The following RIPK1 variants were observed in gnomAD, a reference collection of about 807,000 sequenced individuals.
RIPK1 encodes receptor interacting serine/threonine kinase 1.
A neutral mutation model predicts 62.4 loss-of-function variants in RIPK1; 27 were observed. That is an observed-to-expected ratio of 0.43 (90% confidence interval 0.32 to 0.60). The LOEUF (loss-of-function observed/expected upper bound fraction) is 0.60, where lower values mean the gene tolerates loss of function less well. Among genes scored for constraint, RIPK1 ranks in the 20% least tolerant of loss-of-function variants. The pLI is 0.07. For synonymous variants in RIPK1, 287 were observed against 303.2 expected (o/e 0.95, Z 0.55); for missense variants, 735 against 831.0 (o/e 0.88, Z 1.42).
rs1052143119 is a variant in RIPK1 at position 3,068,580 on chromosome 6, G to A, written c.-142G>A. 16 of 985,290 alleles carry A rather than the reference G, an allele frequency of 1.6e-5. No individual in the cohort carries two copies. In the African/African-American group the frequency reaches 2.3e-4, roughly 14 times the overall value. 61.0% of individuals were successfully genotyped at this position (985,290 alleles called of 1,614,324 possible). On this transcript the variant is annotated 5_prime_UTR_variant, in exon 1 of 11. Coordinates refer to ENST00000259808, the MANE Select transcript of RIPK1 (RefSeq NM_001354930.2). Reference sequence around the variant, plus strand: ...CGACTCCAGGGGACCCACAGCTGGGGCGCCAGAGCGCGGCCATCCGGGCGG... The same window carrying A: ...CGACTCCAGGGGACCCACAGCTGGGACGCCAGAGCGCGGCCATCCGGGCGG...
At chr6:3,104,401 A>G (rs1443367914) in intron 8 of RIPK1, 86 bp downstream of exon 8, 2 of 707,424 alleles carry the variant, frequency 2.8e-6, no homozygotes, top group Non-Finnish European at 5.0e-6. Context: ...TCAGGACCAT[A>G]TGGGAAACAG....
intron 9 of RIPK1, among the ~76,000 whole-genome samples, chr6:3,110,052 C>G (rs1761075459): frequency 1.3e-5 from 2 of 152,164 alleles, no homozygotes; most frequent in African/African-American, 4.8e-5. Context: ...TGGCTTACTT[C>G]CACCTTTTAG....
intron 6 of RIPK1, among the ~76,000 whole-genome samples, chr6:3,089,108 G>T (rs1263563255): frequency 6.6e-6 from 1 of 152,114 alleles, no homozygotes; most frequent in African/African-American, 2.4e-5. Context: ...TTAGAAGGAA[G>T]ATTAAGAAAA....
Position 3,113,617 on chromosome 6 carries a change from G to A in RIPK1, c.*278G>A, listed in dbSNP as rs537864895. On this transcript the variant is annotated 3_prime_UTR_variant, in exon 11 of 11. Transcript: ENST00000259808. This position sits in a 1 kb window ranked among gnomAD's most constrained non-coding sequence, Gnocchi z 5.0. ...GGGATATCAGGCACTGAGCCACTGC[G>A]CCCAGCCAACAATCCGCTCTGAGGA... 4 of 378,218 alleles carry A rather than the reference G, an allele frequency of 1.1e-5. No homozygotes were observed. Among genetic ancestry groups the A allele is most frequent in the South Asian group, 9.8e-5 (2 of 20,468 alleles). 23.4% of individuals were successfully genotyped at this position (378,218 alleles called of 1,614,324 possible). A position where few individuals can be genotyped will look rare whatever the true frequency, so the allele number is the denominator to read the frequency against.
rs1288287240 is a variant in RIPK1 at position 3,109,625 on chromosome 6, A to AT, written c.1577-1171dup. Among the ~76,000 whole-genome samples, 6 of 152,234 alleles carry AT rather than the reference A, an allele frequency of 3.9e-5. No homozygotes were observed. In the East Asian group the frequency reaches 1.2e-3, roughly 29 times the overall value. On this transcript the variant is annotated intron_variant, in intron 9 of 10. Coordinates refer to ENST00000259808, the MANE Select transcript of RIPK1 (RefSeq NM_001354930.2). The stretch of plus-strand genomic sequence containing the variant: ...TGTTTTCTGACTTGGTGTTAGCCAC[A>AT]TTTTTTTATGGTAAAATTCAAAAAC...
intron 1 of RIPK1, 71 bp from the exon 2 acceptor site, chr6:3,076,693 A>T: frequency 9.5e-6 from 1 of 105,512 alleles, no homozygotes; most frequent in Non-Finnish European, 1.2e-5. Context: ...AGGAGAAAAA[A>T]AAAAACATAT....
intron 9 of RIPK1, among the ~76,000 whole-genome samples, chr6:3,107,788 CTT>C (rs1374885009): frequency 6.6e-6 from 1 of 151,954 alleles, no homozygotes; most frequent in Admixed American, 6.6e-5. Flanking sequence ...CCAGAAATCT[CTT>C]TGTGTTTTCA....
rs1241512531 is a variant in RIPK1 at position 3,087,309 on chromosome 6, C to G, written c.838+1901C>G. On this transcript the variant is annotated intron_variant, in intron 6 of 10. Coordinates refer to ENST00000259808, the MANE Select transcript of RIPK1 (RefSeq NM_001354930.2). The stretch of plus-strand genomic sequence containing the variant: ...CTTTCAGCCATTATTTCTGTAAGTA[C>G]TTTTTAACCCCCACCCTCTTTCTCT... 2.6e-5 allele frequency among the ~76,000 whole-genome samples: 4 copies of G among 152,078 alleles called. No individual in the cohort carries two copies. The East Asian group carries it at 7.7e-4, about 29-fold the overall frequency.
chr6:3,096,512 G>C (rs1327744076), intron 7 of RIPK1, among the ~76,000 whole-genome samples: 1 of 143,504 alleles, frequency 7.0e-6, no homozygotes, highest in Non-Finnish European at 1.5e-5. Flanking sequence ...TTCTCAAATT[G>C]ATCTATAGAA....
chr6:3,083,173 C>T lies in RIPK1; in HGVS notation c.548C>T (p.Ala183Val). The T allele has an allele frequency of 6.2e-7, 1 of 1,614,010 alleles. No individual in the cohort carries two copies. Among genetic ancestry groups the T allele is most frequent in the African/African-American group, 1.3e-5 (1 of 75,000 alleles). ...GAGCTGAGGGAAGTGGACGGCACCG[C>T]TAAGAAGAATGGCGGCACCCTCTAC... ...HNELREVDGT[A>V]KKNGGTLYYM... The change falls in exon 5 of 11, where the codon GCT becomes GTT. Residue 183 changes from alanine to valine, a missense_variant. Ala to Val is a moderately conservative substitution (Grantham distance 64, BLOSUM62 0). Coordinates refer to ENST00000259808, the MANE Select transcript of RIPK1 (RefSeq NM_001354930.2).
At chr6:3,106,750 T>G (rs186617438) in intron 9 of RIPK1, among the ~76,000 whole-genome samples, 1 of 152,242 alleles carries the variant, frequency 6.6e-6, no homozygotes, top group Non-Finnish European at 1.5e-5. Context: ...AAACGTCCTA[T>G]GCAAACATCC....
intron 6 of RIPK1, among the ~76,000 whole-genome samples, chr6:3,088,284 C>T (rs1431614232): frequency 6.6e-6 from 1 of 152,234 alleles, no homozygotes; most frequent in Non-Finnish European, 1.5e-5. Context: ...GGCTCCTCTT[C>T]ACTGCTGATC....
chr6:3,080,180 A>T (rs1016413378), intron 3 of RIPK1, among the ~76,000 whole-genome samples: 1 of 152,232 alleles, frequency 6.6e-6, no homozygotes, highest in African/African-American at 2.4e-5. Context: ...TCTCACTTCT[A>T]TCATTAAAAT....
In RIPK1 at chr6:3,113,354, C is replaced by A. The variant is rs376644463; in HGVS notation, c.*15C>A. The A allele has an allele frequency of 2.5e-6, 4 of 1,606,672 alleles. No homozygotes were observed. In the East Asian group the frequency reaches 6.7e-5, roughly 27 times the overall value. On this transcript the variant is annotated 3_prime_UTR_variant, in exon 11 of 11. Coordinates refer to ENST00000259808, the MANE Select transcript of RIPK1 (RefSeq NM_001354930.2). The surrounding 1 kb of genome is among the most constrained non-coding windows in gnomAD (Gnocchi z 5.0). ...GCCAGAACTAACCCTGGATGGGCTA[C>A]GGCAGCTGAAGTGGACGCCTCACTT...
intron 10 of RIPK1, among the ~76,000 whole-genome samples, chr6:3,111,578 T>C (rs1305422116): frequency 6.6e-6 from 1 of 151,812 alleles, no homozygotes; most frequent in Non-Finnish European, 1.5e-5. Flanking sequence ...TGAGGTCTCT[T>C]GGAACTACTC....
chr6:3,066,968 T>C (rs1457929564), upstream of RIPK1, among the ~76,000 whole-genome samples: 1 of 151,616 alleles, frequency 6.6e-6, no homozygotes, highest in Non-Finnish European at 1.5e-5. Context: ...TTCCAGAATG[T>C]CACATAGTTG....
chr6:3,096,417 T>A (rs1760296223), intron 7 of RIPK1, among the ~76,000 whole-genome samples: 1 of 152,112 alleles, frequency 6.6e-6, no homozygotes, highest in South Asian at 2.1e-4. Flanking sequence ...TAACCTTAAT[T>A]GAGAGACATA....
intron 9 of RIPK1, among the ~76,000 whole-genome samples, chr6:3,109,885 C>G (rs1761065713): frequency 6.6e-6 from 1 of 152,216 alleles, no homozygotes; most frequent in Non-Finnish European, 1.5e-5. Flanking sequence ...AACCATGCAG[C>G]ATTTTTCTTT....
intron 7 of RIPK1, among the ~76,000 whole-genome samples, chr6:3,090,189 G>C (rs865916318): frequency 6.6e-6 from 1 of 152,144 alleles, no homozygotes; most frequent in Admixed American, 6.5e-5. Flanking sequence ...ACAGATGGCA[G>C]CAGCATCTGC....
Sources: allele counts gnomAD v4.1 joint callset (sites outside exome capture counted in the v4.1 genomes callset), GRCh38; gene constraint gnomAD v4.1.1; non-coding constraint Gnocchi (gnomAD v3.1); transcripts MANE v1.5; gene names NCBI Gene and HGNC (gene_info 2026-07-23, HGNC 2026-07-21).